The following RTL4 variants were observed in gnomAD, a reference collection of about 807,000 sequenced individuals.
The protein encoded by RTL4 is retrotransposon Gag-like protein 4.
Under a neutral mutation model 5.3 loss-of-function variants are expected in RTL4, and 4 were observed. The observed-to-expected ratio is 0.75, with a 90% CI of 0.37 to 1.72. The LOEUF (loss-of-function observed/expected upper bound fraction) is 1.72, where lower values mean the gene tolerates loss of function less well. Among genes scored for constraint, RTL4 ranks in the 40% most tolerant of loss-of-function variants. The pLI is 0.04. For missense variants in RTL4, 260 were observed against 227.1 expected, an observed-to-expected ratio of 1.14 and a Z score of -0.93; for synonymous variants, 98 against 87.3, an observed-to-expected ratio of 1.12 and a Z score of -0.68.
chrX:112,238,270 T>C, the RTL4 span, among the ~76,000 whole-genome samples: 11,533 of 111,919 alleles, frequency 0.1, 538 homozygotes, highest in Non-Finnish European at 0.16. Context: ...CCATAAACAA[T>C]TGATATTGAT....
chrX:112,115,899 G>C, the RTL4 span, among the ~76,000 whole-genome samples: 7 of 112,306 alleles, frequency 6.2e-5, no homozygotes, highest in African/African-American at 1.9e-4. Flanking sequence ...GGCGAGTCTC[G>C]CTTGGGCGAG....
At chrX:112,144,314 T>C in the RTL4 span, among the ~76,000 whole-genome samples, 6 of 111,713 alleles carry the variant, frequency 5.4e-5, no homozygotes, top group Non-Finnish European at 1.1e-4. Flanking sequence ...CTGTTACTGC[T>C]GGTTAAAGCA....
At chrX:112,448,110 G>A in the RTL4 span, among the ~76,000 whole-genome samples, 1 of 112,109 alleles carries the variant, frequency 8.9e-6, no homozygotes, top group South Asian at 3.7e-4. Context: ...GTGTTCAGCA[G>A]TAAGTGAACT....
chrX:112,455,061 G>C (rs1369672586), exon 1 of RTL4: 1 of 1,211,546 alleles, frequency 8.3e-7, no homozygotes, highest in Non-Finnish European at 1.1e-6. Context: ...AAAGTTGTGG[G>C]ATCATATCTG....
chrX:112,349,095 A>T, the RTL4 span, among the ~76,000 whole-genome samples: 1 of 110,942 alleles, frequency 9.0e-6, no homozygotes, highest in Admixed American at 9.6e-5. Context: ...GAATGTATGA[A>T]GTCTGCTCAA....
chrX:112,440,961 TAAAGCATTAGGAATTGG>T, the RTL4 span, among the ~76,000 whole-genome samples: 2 of 98,648 alleles, frequency 2.0e-5, no homozygotes, highest in East Asian at 6.6e-4. Flanking sequence ...TTTGTTGTAC[TAAAGCATTAGGAATTGG>T]AGGTCAGCCA....
the RTL4 span, among the ~76,000 whole-genome samples, chrX:112,387,948 T>G: frequency 8.9e-6 from 1 of 112,513 alleles, no homozygotes; most frequent in Admixed American, 9.4e-5. Context: ...TTTTTTCTAG[T>G]TCTATGAAGA....
chrX:112,194,137 A>T, the RTL4 span, among the ~76,000 whole-genome samples: 1 of 112,167 alleles, frequency 8.9e-6, no homozygotes, highest in Non-Finnish European at 1.9e-5. Context: ...CCAGTGAGTG[A>T]TTATTGCATA....
chrX:112,096,526 G>A, the RTL4 span, among the ~76,000 whole-genome samples: 1 of 111,520 alleles, frequency 9.0e-6, no homozygotes, highest in African/African-American at 3.3e-5. Flanking sequence ...ATTGAGCAAG[G>A]GACTGATGGG....
At chrX:112,173,508 G>A in the RTL4 span, among the ~76,000 whole-genome samples, 1 of 111,536 alleles carries the variant, frequency 9.0e-6, no homozygotes, top group African/African-American at 3.3e-5. Context: ...AGCAATCGTG[G>A]CCATAAGATT....
chrX:112,244,826 T>C, the RTL4 span, among the ~76,000 whole-genome samples: 28,907 of 111,065 alleles, frequency 0.26, 3,768 homozygotes, highest in African/African-American at 0.52. Context: ...TTTGCAGTGG[T>C]TGGTACCAGT....
chrX:112,214,584 C>T, the RTL4 span, among the ~76,000 whole-genome samples: 1 of 111,835 alleles, frequency 8.9e-6, no homozygotes, highest in Non-Finnish European at 1.9e-5. Flanking sequence ...TTTGAGGAAC[C>T]TCTATACTGT....
the RTL4 span, among the ~76,000 whole-genome samples, chrX:112,330,521 G>C: frequency 9.0e-6 from 1 of 110,731 alleles, no homozygotes; most frequent in Non-Finnish European, 1.9e-5. Context: ...ACAAACAAAT[G>C]GAAGAACATT....
At chrX:112,295,581 AG>A in the RTL4 span, among the ~76,000 whole-genome samples, 73 of 112,435 alleles carry the variant, frequency 6.5e-4, no homozygotes, top group African/African-American at 2.3e-3. Context: ...AGCCCACACA[AG>A]GGCCATCCCG....
At chrX:112,241,862 T>G in the RTL4 span, among the ~76,000 whole-genome samples, 2 of 112,358 alleles carry the variant, frequency 1.8e-5, no homozygotes, top group East Asian at 2.8e-4. Flanking sequence ...CATCTTGAAT[T>G]AATTTTTGTA....
chrX:112,204,175 G>A, the RTL4 span, among the ~76,000 whole-genome samples: 1 of 112,624 alleles, frequency 8.9e-6, no homozygotes, highest in African/African-American at 3.2e-5. Context: ...CAAGCAATAA[G>A]GAATGCTAAC....
the RTL4 span, among the ~76,000 whole-genome samples, chrX:112,244,802 C>T: frequency 1.8e-5 from 2 of 111,400 alleles, no homozygotes; most frequent in Admixed American, 1.9e-4. Context: ...ATGGTCTTTC[C>T]AATTTGGCCT....
chrX:112,315,753 C>T, the RTL4 span, among the ~76,000 whole-genome samples: 1 of 111,792 alleles, frequency 8.9e-6, no homozygotes, highest in African/African-American at 3.3e-5. Flanking sequence ...ACCATCCATG[C>T]TCTTTGTATA....
At chrX:112,094,828 A>G in the RTL4 span, among the ~76,000 whole-genome samples, 1 of 111,609 alleles carries the variant, frequency 9.0e-6, no homozygotes, top group African/African-American at 3.3e-5. Context: ...CACAATGGTG[A>G]TTGATTCCCT....
Sources: allele counts gnomAD v4.1 joint callset (sites outside exome capture counted in the v4.1 genomes callset), GRCh38; gene constraint gnomAD v4.1.1; transcripts MANE v1.5; gene names NCBI Gene and HGNC (gene_info 2026-07-23, HGNC 2026-07-21).